RAB12: variants seen among roughly 807,000 people sequenced by gnomAD.
RAB12 encodes ras-related protein Rab-12.
Under a neutral mutation model 28.4 loss-of-function variants are expected in RAB12, and 11 were observed. The observed-to-expected ratio is 0.39, with a 90% CI of 0.24 to 0.64. The LOEUF (loss-of-function observed/expected upper bound fraction) is 0.64. RAB12 is among the 30% of genes least tolerant of loss of function. The probability of loss-of-function intolerance (pLI) is 0.50; values close to 1 mark genes in which losing one functional copy is unlikely to be tolerated. For synonymous variants in RAB12, 138 were observed against 145.3 expected (o/e 0.95, Z 0.36); for missense variants, 276 against 351.1 (o/e 0.79, Z 1.71).
intron 1 of RAB12, among the ~76,000 whole-genome samples, chr18:8,621,320 T>C (rs1165183472): frequency 6.6e-6 from 1 of 152,244 alleles, no homozygotes; most frequent in African/African-American, 2.4e-5. Context: ...ACTTTTAATA[T>C]AAGAAAGTTT....
In RAB12 at chr18:8,624,940, G is replaced by T; in HGVS notation, c.517G>T (p.Val173Phe). Residue 173 changes from valine to phenylalanine, a missense_variant and splice_region_variant, in exon 2 of 6, where the codon GTT becomes TTT. By Grantham distance (50) the Val-to-Phe change is conservative. Around this residue, in one of 4 missense-constraint regions of RAB12, gnomAD observed 76 missense variants for 117.9 expected, o/e 0.64. Transcript: ENST00000649141. ...ACATTTATTTGTTTTATTTACAGGT[G>T]TTGACTTCAAAATCAAAACTGTAGA... ...FCEACKSTVG[V>F]DFKIKTVELR... 6.3e-7 allele frequency: 1 copy of T among 1,579,942 alleles called. No individual in the cohort carries two copies. Among genetic ancestry groups the T allele is most frequent in the South Asian group, 1.1e-5 (1 of 89,458 alleles).
chr18:8,633,709 G>C (rs916185932), intron 3 of RAB12, among the ~76,000 whole-genome samples: 1 of 152,148 alleles, frequency 6.6e-6, no homozygotes, highest in African/African-American at 2.4e-5. Flanking sequence ...CCTTCTCCAC[G>C]GTGCCTGCGG....
intron 2 of RAB12, among the ~76,000 whole-genome samples, chr18:8,630,573 T>C (rs908316547): frequency 6.6e-6 from 1 of 152,166 alleles, no homozygotes; most frequent in African/African-American, 2.4e-5. Flanking sequence ...AGGTTAAATT[T>C]TAGAGTGCCC....
At chr18:8,630,688 G>A (rs2096015446) in intron 2 of RAB12, among the ~76,000 whole-genome samples, 1 of 152,200 alleles carries the variant, frequency 6.6e-6, no homozygotes, top group Non-Finnish European at 1.5e-5. Flanking sequence ...ACTGATTGAT[G>A]TGCTTACATT....
At chr18:8,613,551 T>G (rs971378376) in intron 1 of RAB12, among the ~76,000 whole-genome samples, 2 of 152,204 alleles carry the variant, frequency 1.3e-5, no homozygotes, top group Non-Finnish European at 2.9e-5. Flanking sequence ...GTAAATGTGC[T>G]TTTTTAAAAG....
chr18:8,633,696 T>C (rs1306466399), intron 3 of RAB12, among the ~76,000 whole-genome samples: 1 of 152,178 alleles, frequency 6.6e-6, no homozygotes, highest in Non-Finnish European at 1.5e-5. Flanking sequence ...CTTGAGGAGA[T>C]GGCCTTCTCC....
chr18:8,633,030 ACTTT>A (rs985751962), intron 2 of RAB12, 155 bp from the exon 3 acceptor site: 9 of 777,472 alleles, frequency 1.2e-5, no homozygotes, highest in African/African-American at 1.8e-5. Flanking sequence ...AATTTTTCCT[ACTTT>A]CTTTAAGTGT....
intron 1 of RAB12, among the ~76,000 whole-genome samples, chr18:8,613,915 A>G (rs141677517): frequency 1.6e-4 from 25 of 152,280 alleles, no homozygotes; most frequent in African/African-American, 5.3e-4. Flanking sequence ...AGAAGGCCTC[A>G]TCACAGCCCT....
intron 5 of RAB12, among the ~76,000 whole-genome samples, chr18:8,636,933 T>G (rs1441888244): frequency 6.6e-6 from 1 of 152,182 alleles, no homozygotes; most frequent in Admixed American, 6.6e-5. Context: ...TAAGTGAAAT[T>G]TGCTCAGTTC....
At chr18:8,614,840 T>A (rs9962137) in intron 1 of RAB12, among the ~76,000 whole-genome samples, 22,674 of 152,122 alleles carry the variant, frequency 0.15, 1,889 homozygotes, top group South Asian at 0.2. Flanking sequence ...CTCCTCAGCC[T>A]CCCAAAGAGC....
At chr18:8,625,456 T>G (rs2096012127) in intron 2 of RAB12, among the ~76,000 whole-genome samples, 1 of 152,238 alleles carries the variant, frequency 6.6e-6, no homozygotes, top group African/African-American at 2.4e-5. Context: ...TGACTATTAC[T>G]GCGGGTGGGC....
Position 8,636,563 on chromosome 18 carries a change from G to T in RAB12, c.909+206G>T, listed in dbSNP as rs541016237. Among the ~76,000 whole-genome samples the T allele has an allele frequency of 6.6e-5, 10 of 152,324 alleles. No homozygotes were observed. The South Asian group carries it at 1.7e-3, about 25-fold the overall frequency. Reference sequence around the variant, plus strand: ...CCCAGGGGCTTCTGGTGTCCTTGGGGTTGGTATATGGCATACTTGCTTCGC... The same window carrying T: ...CCCAGGGGCTTCTGGTGTCCTTGGGTTTGGTATATGGCATACTTGCTTCGC... On this transcript the variant is annotated intron_variant, in intron 5 of 5. Transcript: ENST00000649141.
intron 1 of RAB12, among the ~76,000 whole-genome samples, chr18:8,615,323 AG>A (rs2096006155): frequency 6.6e-6 from 1 of 152,212 alleles, no homozygotes. Context: ...CTGGAAACTT[AG>A]GGCAGAGATT....
intron 3 of RAB12, 161 bp from the exon 4 acceptor site, chr18:8,635,372 A>C: frequency 1.8e-6 from 1 of 570,638 alleles, no homozygotes; most frequent in South Asian, 2.2e-5. Context: ...CCTGCCTTGC[A>C]CTGCTGCCCA....
intron 2 of RAB12, among the ~76,000 whole-genome samples, chr18:8,627,345 A>G (rs1484896211): frequency 2.0e-5 from 3 of 152,240 alleles, no homozygotes; most frequent in Non-Finnish European, 4.4e-5. Flanking sequence ...ACTGGCATGA[A>G]AGCATTGCCA....
chr18:8,639,144 G>GTTTTTTTTTTTTTTTTT lies in RAB12; in HGVS notation c.*884_*885insTTTTTTTTTTTTTTTTT, dbSNP rs1598315808. ...CTTATTCTGATTAAGCCTAGACTGT[G>GTTTTTTTTTTTTTTTTT]TTCTTTTTTTTTTTTTTTTTTTTTT... On this transcript the variant is annotated 3_prime_UTR_variant, in exon 6 of 6. Coordinates refer to ENST00000649141, the MANE Select transcript of RAB12 (RefSeq NM_001025300.3). The GTTTTTTTTTTTTTTTTT allele has an allele frequency of 9.0e-4, 15 of 16,580 alleles. No homozygotes were observed. The highest frequency in any genetic ancestry group is 2.3e-3 in the East Asian group (1 of 426). The allele number at this position is 16,580 out of a possible 1,614,324, so 1.0% of individuals were successfully genotyped here. A position where few individuals can be genotyped will look rare whatever the true frequency, so the allele number is the denominator to read the frequency against.
At chr18:8,613,045 T>C (rs2096004711) in intron 1 of RAB12, among the ~76,000 whole-genome samples, 1 of 152,270 alleles carries the variant, frequency 6.6e-6, no homozygotes. Flanking sequence ...GATGATGAAC[T>C]ATTATGTAAA....
At position 8,617,452 on chromosome 18, in the gene RAB12, G is replaced by GC. The variant is rs534398339; in HGVS notation, c.515-7486_515-7485insC. Among the ~76,000 whole-genome samples, 4 of 143,778 alleles carry GC rather than the reference G, an allele frequency of 2.8e-5. No individual in the cohort carries two copies. The East Asian group carries it at 8.0e-4, about 29-fold the overall frequency. 94.3% of individuals were successfully genotyped at this position (143,778 alleles called of 152,430 possible). A position where few individuals can be genotyped will look rare whatever the true frequency, so the allele number is the denominator to read the frequency against. Reference sequence around the variant, plus strand: ...GTTAATAATCCACTGTTTGATCATGGTTTTTTTTTTTTTAATCTCTTCCCT... The same window carrying GC: ...GTTAATAATCCACTGTTTGATCATGGCTTTTTTTTTTTTTAATCTCTTCCCT... On this transcript the variant is annotated intron_variant, in intron 1 of 5. Coordinates refer to ENST00000649141, the MANE Select transcript of RAB12 (RefSeq NM_001025300.3).
intron 1 of RAB12, among the ~76,000 whole-genome samples, chr18:8,620,216 T>C (rs1567893786): frequency 1.5e-5 from 2 of 130,848 alleles, no homozygotes; most frequent in East Asian, 5.2e-4. Context: ...CCTTTGATAA[T>C]ACTGTATCTC....
Sources: gnomAD v4.1 joint callset for allele counts (sites outside exome capture counted in the v4.1 genomes callset) on GRCh38, gnomAD v4.1.1 for gene constraint, gnomAD v4.1.1 regional missense constraint, MANE v1.5 for transcripts, NCBI Gene and HGNC (gene_info 2026-07-23, HGNC 2026-07-21) for gene names.